The following NCK2 variants were observed in gnomAD, a reference collection of about 807,000 sequenced individuals.
The protein encoded by NCK2 is NCK adaptor protein 2.
In NCK2, 16 loss-of-function variants were observed where a neutral mutation model predicts 33.9. The observed-to-expected ratio is 0.47, with a 90% CI of 0.32 to 0.72. NCK2 has a LOEUF of 0.72. NCK2 is among the 30% of genes least tolerant of loss of function. The pLI is 0.03. For synonymous variants in NCK2, 273 were observed against 239.9 expected, an observed-to-expected ratio of 1.14 and a Z score of -1.27; for missense variants, 418 against 537.3, an observed-to-expected ratio of 0.78 and a Z score of 2.19.
chr2:105,840,311 C>G (rs1276420993), intron 2 of NCK2, among the ~76,000 whole-genome samples: 1 of 152,134 alleles, frequency 6.6e-6, no homozygotes, highest in Admixed American at 6.5e-5. Context: ...AGACAGCTCA[C>G]CCCTGTAACA....
chr2:105,826,481 A>G (rs1458134299), intron 2 of NCK2, among the ~76,000 whole-genome samples: 2 of 152,182 alleles, frequency 1.3e-5, no homozygotes, highest in Non-Finnish European at 2.9e-5. Flanking sequence ...GAGGCCTGTG[A>G]TTGTGACTAT....
chr2:105,782,234 C>T (rs144599082), intron 1 of NCK2, among the ~76,000 whole-genome samples: 4 of 152,292 alleles, frequency 2.6e-5, no homozygotes, highest in East Asian at 1.9e-4. Context: ...GCGGGGTGGC[C>T]GGGCCCAGGG....
chr2:105,844,796 G>T (rs1676793351), intron 2 of NCK2, among the ~76,000 whole-genome samples: 3 of 145,430 alleles, frequency 2.1e-5, no homozygotes, highest in Admixed American at 6.9e-5. Context: ...GTATATAAAA[G>T]AATATATAAA....
chr2:105,765,315 C>G (rs938057213), intron 1 of NCK2, among the ~76,000 whole-genome samples: 1 of 152,220 alleles, frequency 6.6e-6, no homozygotes, highest in Non-Finnish European at 1.5e-5. Context: ...TTTGTACATA[C>G]TGTGACTACC....
chr2:105,799,271 A>T (rs1423571027), intron 1 of NCK2, among the ~76,000 whole-genome samples: 1 of 35,896 alleles, frequency 2.8e-5, no homozygotes, highest in African/African-American at 4.4e-5. Flanking sequence ...TCCTAGGTTT[A>T]AAAAAAAAAA....
intron 2 of NCK2, among the ~76,000 whole-genome samples, chr2:105,843,270 A>C (rs1304949531): frequency 6.6e-6 from 1 of 152,092 alleles, no homozygotes; most frequent in Non-Finnish European, 1.5e-5. Context: ...TGTGTGACCC[A>C]TCACATGAGG....
At chr2:105,769,657 G>A (rs114466993) in intron 1 of NCK2, among the ~76,000 whole-genome samples, 2,864 of 152,270 alleles carry the variant, frequency 0.019, 51 homozygotes, top group Non-Finnish European at 0.022. Flanking sequence ...GGTAATTAGA[G>A]TCATTGGCCA....
At chr2:105,874,489 G>A (rs1330451385) in intron 3 of NCK2, among the ~76,000 whole-genome samples, 2 of 152,206 alleles carry the variant, frequency 1.3e-5, no homozygotes, top group African/African-American at 2.4e-5. Context: ...AGCAAAAATA[G>A]CATTTTCAAT....
chr2:105,792,431 C>T (rs1690919414), intron 1 of NCK2, among the ~76,000 whole-genome samples: 1 of 152,144 alleles, frequency 6.6e-6, no homozygotes, highest in South Asian at 2.1e-4. Context: ...CAATTCCTGT[C>T]CTGTAAATAT....
At position 105,816,707 on chromosome 2, in the gene NCK2, G is replaced by A. The variant is rs1297073795; in HGVS notation, c.-17+94G>A. On this transcript the variant is annotated intron_variant, in intron 2 of 4. Coordinates refer to ENST00000233154, the MANE Select transcript of NCK2 (RefSeq NM_003581.5). ...TAAGTTTAGTAAAATATCAGTCAGT[G>A]TAGCCTTGATTTGTTGAATCACATT... 2.0e-5 allele frequency: 3 copies of A among 152,326 alleles called. No homozygotes were observed. The South Asian group carries it at 6.2e-4, about 32-fold the overall frequency. 9.4% of individuals were successfully genotyped at this position (152,326 alleles called of 1,614,324 possible).
chr2:105,878,529 G>A (rs1678329427), intron 3 of NCK2, among the ~76,000 whole-genome samples: 2 of 152,344 alleles, frequency 1.3e-5, no homozygotes, highest in South Asian at 2.1e-4. Context: ...AGGTCCAGGA[G>A]AGAGGCCTTG....
intron 1 of NCK2, among the ~76,000 whole-genome samples, chr2:105,752,988 G>A (rs971938318): frequency 5.3e-5 from 8 of 152,174 alleles, no homozygotes; most frequent in Admixed American, 2.6e-4. Flanking sequence ...CCAACAGAAC[G>A]TGTGGTACTT....
chr2:105,758,419 T>G (rs931619913), intron 1 of NCK2, among the ~76,000 whole-genome samples: 10 of 150,698 alleles, frequency 6.6e-5, no homozygotes, highest in Admixed American at 1.3e-4. Flanking sequence ...TTTTGTTTTT[T>G]TTTTTTTTTG....
chr2:105,889,571 C>CTT lies in NCK2; in HGVS notation c.949-3391_949-3390dup, dbSNP rs35868906. Among the ~76,000 whole-genome samples the CTT allele has an allele frequency of 4.7e-4, 63 of 132,802 alleles. 1 individual carries two copies. Among genetic ancestry groups the CTT allele is most frequent in the East Asian group, 4.2e-3 (19 of 4,486 alleles). 87.1% of individuals were successfully genotyped at this position (132,802 alleles called of 152,430 possible). ...AGGCAGAGCCTGAGAATTTGCATTT[C>CTT]TTTTTTTTTTTTTTTTTTTTTAATT... On this transcript the variant is annotated intron_variant, in intron 4 of 4. Transcript: ENST00000233154.
In NCK2 at chr2:105,881,835, G is replaced by T; in HGVS notation, c.734G>T (p.Gly245Val). ...TGCAAAAATGCCCGGGGCCAGGTGG[G>T]CCTCGTCCCCAAAAACTACGTGGTG... The part of the protein sequence containing the change: ...WKCKNARGQV[G>V]LVPKNYVVVL... Residue 245 changes from glycine to valine, a missense_variant, in exon 4 of 5, where the codon GGC becomes GTC. By Grantham distance (109) the Gly-to-Val change is moderately radical. Transcript: ENST00000233154. The T allele has an allele frequency of 1.2e-6, 2 of 1,600,956 alleles. No homozygotes were observed. The highest frequency in any genetic ancestry group is 1.7e-6 in the Non-Finnish European group (2 of 1,172,648).
At chr2:105,869,506 G>T (rs1468418539) in intron 3 of NCK2, among the ~76,000 whole-genome samples, 33 of 152,236 alleles carry the variant, frequency 2.2e-4, no homozygotes, top group Admixed American at 2.2e-3. Flanking sequence ...GCTCCAGAGT[G>T]TTCTGAGAAG....
intron 3 of NCK2, among the ~76,000 whole-genome samples, chr2:105,859,594 G>C (rs1292584846): frequency 6.6e-6 from 1 of 152,242 alleles, no homozygotes; most frequent in Non-Finnish European, 1.5e-5. Flanking sequence ...AACAGCCTTT[G>C]CACTGGTTTG....
At chr2:105,845,271 T>C (rs920063737) in intron 2 of NCK2, among the ~76,000 whole-genome samples, 3 of 152,242 alleles carry the variant, frequency 2.0e-5, no homozygotes, top group African/African-American at 7.2e-5. Flanking sequence ...TGTTTCAACC[T>C]TGCATGTTTC....
chr2:105,793,356 A>G (rs1201680682), intron 1 of NCK2, among the ~76,000 whole-genome samples: 1 of 152,128 alleles, frequency 6.6e-6, no homozygotes, highest in Admixed American at 6.5e-5. Flanking sequence ...TGGAAATTAG[A>G]TGATAATGAA....
Sources: allele counts gnomAD v4.1 joint callset (sites outside exome capture counted in the v4.1 genomes callset), GRCh38; gene constraint gnomAD v4.1.1; transcripts MANE v1.5; gene names NCBI Gene and HGNC (gene_info 2026-07-23, HGNC 2026-07-21).